The following ZNF384 variants were observed in gnomAD, a reference collection of about 807,000 sequenced individuals.
The protein encoded by ZNF384 is zinc finger protein 384.
In ZNF384, 20 loss-of-function variants were observed where a neutral mutation model predicts 65.0. That is an observed-to-expected ratio of 0.31 (90% confidence interval 0.22 to 0.45). ZNF384 has a LOEUF of 0.45. Among genes scored for constraint, ZNF384 ranks in the 20% least tolerant of loss-of-function variants. The pLI, the probability that ZNF384 is intolerant of heterozygous loss-of-function variation, is 1.00. For synonymous variants in ZNF384, 310 were observed against 303.9 expected (o/e 1.02, Z -0.21); for missense variants, 549 against 769.4 (o/e 0.71, Z 3.39).
At chr12:6,682,163 A>G (rs1306530420) in intron 2 of ZNF384, among the ~76,000 whole-genome samples, 3 of 150,708 alleles carry the variant, frequency 2.0e-5, no homozygotes, top group Admixed American at 6.6e-5. Context: ...AAAGAAAAAG[A>G]AAAAAAAAGA....
rs1954891654 is a variant in ZNF384, at chr12:6,679,150, C to T, written c.100G>A (p.Asp34Asn). The change falls in exon 4 of 12, where the codon GAT (aspartate) becomes AAT (asparagine). Residue 34 changes from aspartate to asparagine, a missense_variant. Coordinates refer to ENST00000683879, the MANE Select transcript of ZNF384 (RefSeq NM_001385745.1). Reference protein sequence around the residue: ...ENTMFINKMKDQLLPEKGCGL... With the variant: ...ENTMFINKMKNQLLPEKGCGL... Reference sequence around the variant, plus strand: ...CAGCCCTTCTCTGGCAACAGCTGATCCTTCATCTTGTTGATGAACATTGTG... The same window carrying T: ...CAGCCCTTCTCTGGCAACAGCTGATTCTTCATCTTGTTGATGAACATTGTG... 3.1e-6 allele frequency: 5 copies of T among 1,598,414 alleles called. No homozygotes were observed. The highest frequency in any genetic ancestry group is 4.3e-6 in the Non-Finnish European group (5 of 1,170,516).
At chr12:6,669,858 G>A (rs1238290644) in intron 10 of ZNF384, among the ~76,000 whole-genome samples, 2 of 152,114 alleles carry the variant, frequency 1.3e-5, no homozygotes, top group Admixed American at 6.6e-5. Flanking sequence ...AACCTGGGAA[G>A]TTGCAGTAAG....
At chr12:6,675,109 C>T (rs1259288813) in intron 7 of ZNF384, among the ~76,000 whole-genome samples, 3 of 152,154 alleles carry the variant, frequency 2.0e-5, no homozygotes, top group African/African-American at 7.2e-5. Context: ...ATAATAATAA[C>T]CCACTTAGTC....
chr12:6,675,033 G>A (rs959298017), intron 7 of ZNF384, among the ~76,000 whole-genome samples: 7 of 152,094 alleles, frequency 4.6e-5, no homozygotes, highest in Admixed American at 1.3e-4. Flanking sequence ...ATAAAATCTC[G>A]TCAATTTGTG....
Position 6,678,432 on chromosome 12 carries a change from T to C in ZNF384, c.381A>G (p.Ser127=). 1 of 1,595,750 alleles carries C rather than the reference T, an allele frequency of 6.3e-7. No homozygotes were observed. Among genetic ancestry groups the C allele is most frequent in the Non-Finnish European group, 8.5e-7 (1 of 1,170,634 alleles). Residue 127 remains serine, a synonymous_variant, in exon 6 of 12, where the codon TCA becomes TCG. Transcript: ENST00000683879. The surrounding 1 kb of genome is among the most constrained non-coding windows in gnomAD (Gnocchi z 4.9). The part of the protein sequence containing the change: ...RGPGLVITSP[S]GSLVTTASSA... Reference sequence around the variant, plus strand: ...ATGATGCTGTGGTCACAAGAGAGCCTGAGGGGGACGTGATTACCAAACCCG... The same window carrying C: ...ATGATGCTGTGGTCACAAGAGAGCCCGAGGGGGACGTGATTACCAAACCCG...
chr12:6,684,612 A>G (rs1237549289), intron 2 of ZNF384, among the ~76,000 whole-genome samples: 1 of 152,194 alleles, frequency 6.6e-6, no homozygotes, highest in African/African-American at 2.4e-5. Flanking sequence ...AGGACAAGAC[A>G]CTACATATGC....
At chr12:6,675,741 T>C (rs146957442) in intron 7 of ZNF384, among the ~76,000 whole-genome samples, 1 of 152,344 alleles carries the variant, frequency 6.6e-6, no homozygotes, top group Non-Finnish European at 1.5e-5. Flanking sequence ...ATTACAAGTA[T>C]GGCCACTTTG....
rs1299248437 is a variant in ZNF384 at position 6,672,420 on chromosome 12, C to A, written c.1117G>T (p.Ala373Ser). The A allele has an allele frequency of 6.2e-7, 1 of 1,614,034 alleles. No homozygotes were observed. The highest frequency in any genetic ancestry group is 8.5e-7 in the Non-Finnish European group (1 of 1,180,000). Residue 373 changes from alanine to serine, a missense_variant, in exon 9 of 12, where the codon GCC (alanine) becomes TCC (serine). Transcript: ENST00000683879. The surrounding 1 kb of genome is among the most constrained non-coding windows in gnomAD (Gnocchi z 4.4). Reference sequence around the variant, plus strand: ...CAGTAGGAACAGTTGTAGGGCTTGGCCCCCGAGTGGATACGGAGGTGCTGG... The same window carrying A: ...CAGTAGGAACAGTTGTAGGGCTTGGACCCCGAGTGGATACGGAGGTGCTGG... ...LAQHLRIHSG[A>S]KPYNCSYCQK... is the part of the protein sequence containing the mutation.
chr12:6,686,951 A>C (rs1958140556), intron 2 of ZNF384, among the ~76,000 whole-genome samples: 1 of 152,230 alleles, frequency 6.6e-6, no homozygotes, highest in African/African-American at 2.4e-5. Flanking sequence ...GAATTCAACT[A>C]CAGAAAGAAC....
rs1950149322 is a variant in ZNF384, at chr12:6,667,912, CTGCTGCTGCTG to C, written c.1618_1628del (p.Gln540AlafsTer35). On this transcript the variant is annotated frameshift_variant, in exon 12 of 12. Transcript: ENST00000683879. LOFTEE classifies it high-confidence loss of function. Reference sequence around the variant, plus strand: ...AGTGTGGTGGTGGCTGTTGCTGCTGCTGCTGCTGCTGCTGCTGCTGCTGCTGCTGCTGCTGT... The same window carrying C: ...AGTGTGGTGGTGGCTGTTGCTGCTGCCTGCTGCTGCTGCTGCTGCTGCTGT... 6.8e-7 allele frequency: 1 copy of C among 1,477,942 alleles called. No homozygotes were observed. Among genetic ancestry groups the C allele is most frequent in the Admixed American group, 2.0e-5 (1 of 49,792 alleles). 91.6% of individuals were successfully genotyped at this position (1,477,942 alleles called of 1,614,324 possible). A position where few individuals can be genotyped will look rare whatever the true frequency, so the allele number is the denominator to read the frequency against.
rs1392943996 is a variant in ZNF384, at chr12:6,669,020, G to T, written c.1425+11C>A. 1.3e-6 allele frequency: 2 copies of T among 1,593,782 alleles called. No individual in the cohort carries two copies. Among genetic ancestry groups the T allele is most frequent in the East Asian group, 2.3e-5 (1 of 44,066 alleles). On this transcript the variant is annotated intron_variant, in intron 11 of 11. Coordinates refer to ENST00000683879, the MANE Select transcript of ZNF384 (RefSeq NM_001385745.1). ...GACTATGAGGAAGGAGAGAAGAAAC[G>T]GAGCACTCACTGATGTGTATGCCCG...
Position 6,673,834 on chromosome 12 carries a change from T to G in ZNF384, c.780-394A>C, listed in dbSNP as rs561019950. On this transcript the variant is annotated intron_variant, in intron 7 of 11. Transcript: ENST00000683879. The surrounding 1 kb of genome is among the most constrained non-coding windows in gnomAD (Gnocchi z 4.7). ...TGTTCCTATGTATGAAGCACATGCC[T>G]CTGTATTCCTCAAGACCCCGAGATG... Among the ~76,000 whole-genome samples the G allele has an allele frequency of 6.6e-6, 1 of 152,214 alleles. No individual in the cohort carries two copies. Among genetic ancestry groups the G allele is most frequent in the Non-Finnish European group, 1.5e-5 (1 of 68,030 alleles).
chr12:6,681,851 C>G (rs1956090410), intron 2 of ZNF384, among the ~76,000 whole-genome samples: 2 of 152,272 alleles, frequency 1.3e-5, no homozygotes, highest in Middle Eastern at 3.4e-3. Flanking sequence ...AAATCTGTGA[C>G]TACAACAGCT....
intron 1 of ZNF384, 27 bp from the exon 2 acceptor site, chr12:6,688,253 G>C (rs763986029): frequency 6.6e-6 from 1 of 152,526 alleles, no homozygotes; most frequent in Non-Finnish European, 1.5e-5. Flanking sequence ...TAGGTTACAG[G>C]GGCCAGGCAG....
At position 6,678,643 on chromosome 12, in the gene ZNF384, C is replaced by A. The variant is rs371895755; in HGVS notation, c.352+20G>T. 45 of 1,613,486 alleles carry A rather than the reference C, an allele frequency of 2.8e-5. No individual in the cohort carries two copies. Among genetic ancestry groups the A allele is most frequent in the Non-Finnish European group, 3.7e-5 (44 of 1,179,624 alleles). ...TCTCCTAACCCTTGTCCCCACCCCC[C>A]TGGTAACAGTGAGATTTACCCCTTG... is the stretch of plus-strand genomic sequence containing the variant. On this transcript the variant is annotated intron_variant, in intron 5 of 11. Transcript: ENST00000683879. The surrounding 1 kb of genome is among the most constrained non-coding windows in gnomAD (Gnocchi z 4.9).
chr12:6,672,075 T>A lies in ZNF384; in HGVS notation c.1187+275A>T. ...TTCAGGGAGGAAAATTAGAGAAAAG[T>A]TGTTTCTACTCCAGGTACGTGTCTG... On this transcript the variant is annotated intron_variant, in intron 9 of 11. Coordinates refer to ENST00000683879, the MANE Select transcript of ZNF384 (RefSeq NM_001385745.1). This position sits in a 1 kb window ranked among gnomAD's most constrained non-coding sequence, Gnocchi z 4.4. 1 of 368,274 alleles carries A rather than the reference T, an allele frequency of 2.7e-6. No individual in the cohort carries two copies. The highest frequency in any genetic ancestry group is 4.9e-5 in the East Asian group (1 of 20,386). 22.8% of individuals were successfully genotyped at this position (368,274 alleles called of 1,614,324 possible).
intron 3 of ZNF384, 73 bp downstream of exon 3, chr12:6,679,382 T>G (rs1955009317): frequency 1.4e-6 from 2 of 1,433,494 alleles, no homozygotes; most frequent in Non-Finnish European, 2.0e-6. Flanking sequence ...CAGCATGTGG[T>G]GTACCTTCAG....
Position 6,678,823 on chromosome 12 carries a change from A to G in ZNF384, c.305-113T>C, listed in dbSNP as rs1212207423. 6.8e-7 allele frequency: 1 copy of G among 1,470,202 alleles called. No individual in the cohort carries two copies. Among genetic ancestry groups the G allele is most frequent in the Non-Finnish European group, 9.5e-7 (1 of 1,057,598 alleles). The allele number at this position is 1,470,202 out of a possible 1,614,324, so 91.1% of individuals were successfully genotyped here. A position where few individuals can be genotyped will look rare whatever the true frequency, so the allele number is the denominator to read the frequency against. On this transcript the variant is annotated intron_variant, in intron 4 of 11. Coordinates refer to ENST00000683879, the MANE Select transcript of ZNF384 (RefSeq NM_001385745.1). This position sits in a 1 kb window ranked among gnomAD's most constrained non-coding sequence, Gnocchi z 4.9. ...ATTGCTAGGCACACAGTAGGCACTTAATAAAAATTTGATTGAATAATCAAA... is the reference window on the plus strand; with the variant it reads ...ATTGCTAGGCACACAGTAGGCACTTGATAAAAATTTGATTGAATAATCAAA...
chr12:6,684,232 C>T (rs984561832), intron 2 of ZNF384, among the ~76,000 whole-genome samples: 5 of 152,094 alleles, frequency 3.3e-5, no homozygotes, highest in Admixed American at 2.0e-4. Context: ...TGAATCCAGG[C>T]ACCAAAGGGC....
Sources: allele counts gnomAD v4.1 joint callset (sites outside exome capture counted in the v4.1 genomes callset), GRCh38; gene constraint gnomAD v4.1.1; non-coding constraint Gnocchi (gnomAD v3.1); transcripts MANE v1.5; gene names NCBI Gene and HGNC (gene_info 2026-07-23, HGNC 2026-07-21).